KALRN: variants seen among roughly 807,000 people sequenced by gnomAD.
KALRN encodes kalirin.
A neutral mutation model predicts 353.7 loss-of-function variants in KALRN; 70 were observed. The observed-to-expected ratio is 0.20, with a 90% confidence interval of 0.16 to 0.24. The LOEUF is 0.24. Among genes scored for constraint, KALRN ranks in the 10% least tolerant of loss-of-function variants. The pLI is 1.00. For synonymous variants in KALRN, 1,391 were observed against 1,434.8 expected, an observed-to-expected ratio of 0.97 and a Z score of 0.69; for missense variants, 2,791 against 3,756.7, an observed-to-expected ratio of 0.74 and a Z score of 6.72.
At chr3:124,340,572 A>G (rs1012414676) in intron 9 of KALRN, among the ~76,000 whole-genome samples, 1 of 152,180 alleles carries the variant, frequency 6.6e-6, no homozygotes, top group Non-Finnish European at 1.5e-5. Context: ...TGGTACTTAC[A>G]AAGTCCTTAA....
chr3:124,360,773 G>A (rs1021754366), intron 10 of KALRN, among the ~76,000 whole-genome samples: 4 of 152,096 alleles, frequency 2.6e-5, no homozygotes, highest in Non-Finnish European at 5.9e-5. Context: ...CCTTTCTTTT[G>A]TTTCTGTGAC....
chr3:124,703,979 A>G (rs904837874), intron 57 of KALRN, among the ~76,000 whole-genome samples: 10 of 152,262 alleles, frequency 6.6e-5, no homozygotes, highest in Admixed American at 1.3e-4. Context: ...AGCCTGAAGT[A>G]TATTTTCAGT....
At chr3:124,368,615 C>T (rs1240644236) in intron 10 of KALRN, among the ~76,000 whole-genome samples, 4 of 141,838 alleles carry the variant, frequency 2.8e-5, no homozygotes, top group East Asian at 4.4e-4. Context: ...ACATCCCAGA[C>T]GATGGGCGGC....
chr3:124,322,460 A>G (rs1227898408), intron 6 of KALRN, among the ~76,000 whole-genome samples: 6 of 152,200 alleles, frequency 3.9e-5, no homozygotes, highest in African/African-American at 1.4e-4. Context: ...GCAGATGGAA[A>G]GGCATTGAAG....
In KALRN at chr3:124,492,960, G is replaced by A; in HGVS notation, c.4832+78G>A. The A allele has an allele frequency of 2.0e-6, 3 of 1,533,284 alleles. No individual in the cohort carries two copies. In the South Asian group the frequency reaches 3.6e-5, roughly 19 times the overall value. The allele number at this position is 1,533,284 out of a possible 1,614,324, so 95.0% of individuals were successfully genotyped here. A position where few individuals can be genotyped will look rare whatever the true frequency, so the allele number is the denominator to read the frequency against. On this transcript the variant is annotated intron_variant, in intron 32 of 59. Transcript: ENST00000682506. Reference sequence around the variant, plus strand: ...GGGAATGGGATGAATCTTTGCTTCTGAAGGGGGATGTGCCCAGCAGGTGGC... The same window carrying A: ...GGGAATGGGATGAATCTTTGCTTCTAAAGGGGGATGTGCCCAGCAGGTGGC...
At chr3:124,478,636 ATAT>A (rs563470655) in intron 27 of KALRN, among the ~76,000 whole-genome samples, 40 of 152,326 alleles carry the variant, frequency 2.6e-4, no homozygotes, top group African/African-American at 9.6e-4. Context: ...CTCTCACCTG[ATAT>A]TATTGGGTAT....
intron 1 of KALRN, among the ~76,000 whole-genome samples, chr3:124,118,270 G>T (rs1220090293): frequency 6.6e-6 from 1 of 152,124 alleles, no homozygotes; most frequent in Non-Finnish European, 1.5e-5. Flanking sequence ...AGGGACTACA[G>T]ATGGCAGATG....
intron 37 of KALRN, among the ~76,000 whole-genome samples, chr3:124,642,806 G>GTTT (rs71145471): frequency 1.2e-4 from 12 of 96,814 alleles, no homozygotes; most frequent in African/African-American, 4.5e-4. Flanking sequence ...CCCAAGCCTC[G>GTTT]TTTTTTTTTT....
chr3:124,387,520 C>A (rs908706652), intron 11 of KALRN, among the ~76,000 whole-genome samples: 4 of 152,100 alleles, frequency 2.6e-5, no homozygotes, highest in African/African-American at 9.7e-5. Context: ...GTAGTAAGTA[C>A]GGAAATTGAC....
At chr3:124,280,336 A>T (rs1005477971) in intron 5 of KALRN, among the ~76,000 whole-genome samples, 1 of 152,116 alleles carries the variant, frequency 6.6e-6, no homozygotes, top group African/African-American at 2.4e-5. Flanking sequence ...ACCCTCCTGT[A>T]GTTACACCCT....
intron 6 of KALRN, among the ~76,000 whole-genome samples, chr3:124,311,064 CTTTTTTTTTTT>C (rs71145446): frequency 4.3e-4 from 29 of 67,526 alleles, no homozygotes; most frequent in African/African-American, 6.5e-4. Flanking sequence ...GATACTACTT[CTTTTTTTTTTT>C]TTTTTTTTTT....
At chr3:124,271,121 G>A (rs560787232) in intron 5 of KALRN, among the ~76,000 whole-genome samples, 72 of 152,128 alleles carry the variant, frequency 4.7e-4, no homozygotes, top group Non-Finnish European at 8.5e-4. Flanking sequence ...GTGAGCCACC[G>A]TGCCCGGCCC....
rs371432218 is a variant in KALRN at position 124,697,667 on chromosome 3, C to G, written c.7774C>G (p.Pro2592Ala). ...CTCCGTGATTCTCCGCTGGCTGCCC[C>G]CCTCCAGCACAGGAAACTGCACTAT... ...CTSVILRWLP[P>A]SSTGNCTISG... Residue 2592 changes from proline (P) to alanine (A), a missense_variant, in exon 55 of 60, where the codon CCC becomes GCC. This residue lies in a region of KALRN where 1,065 missense variants were observed against 1,156.4 expected (regional missense o/e 0.92). Coordinates refer to ENST00000682506, the MANE Select transcript of KALRN (RefSeq NM_001388419.1). 6 of 1,605,786 alleles carry G rather than the reference C, an allele frequency of 3.7e-6. No homozygotes were observed. The highest frequency in any genetic ancestry group is 2.7e-5 in the African/African-American group (2 of 74,612).
In KALRN at chr3:124,678,659, A is replaced by G. The variant is rs2087472860; in HGVS notation, c.7317+346A>G. The G allele has an allele frequency of 2.6e-5, 5 of 195,280 alleles. No individual in the cohort carries two copies. In the South Asian group the frequency reaches 4.8e-4, roughly 19 times the overall value. 12.1% of individuals were successfully genotyped at this position (195,280 alleles called of 1,614,324 possible). A position where few individuals can be genotyped will look rare whatever the true frequency, so the allele number is the denominator to read the frequency against. ...GCTGCCATTTGGTACCCTAGGTTTGAGAATACACACAGGGTAAAGCAATTA... is the reference window on the plus strand; with the variant it reads ...GCTGCCATTTGGTACCCTAGGTTTGGGAATACACACAGGGTAAAGCAATTA... On this transcript the variant is annotated intron_variant, in intron 50 of 59. Coordinates refer to ENST00000682506, the MANE Select transcript of KALRN (RefSeq NM_001388419.1).
At chr3:124,574,550 G>A (rs959321814) in intron 34 of KALRN, among the ~76,000 whole-genome samples, 3 of 152,176 alleles carry the variant, frequency 2.0e-5, no homozygotes, top group African/African-American at 7.2e-5. Flanking sequence ...GAGCTAAAAT[G>A]AGAGCCTCAG....
chr3:124,714,613 G>A (rs143671217), intron 58 of KALRN, among the ~76,000 whole-genome samples: 63 of 152,298 alleles, frequency 4.1e-4, no homozygotes, highest in East Asian at 7.7e-4. Context: ...TTTAGCAAAC[G>A]TTTACTGAGC....
intron 3 of KALRN, among the ~76,000 whole-genome samples, chr3:124,240,874 AGCAG>A (rs2080351991): frequency 6.6e-6 from 1 of 152,246 alleles, no homozygotes; most frequent in Admixed American, 6.5e-5. Context: ...GGAATTATCT[AGCAG>A]GCTCTCTCTA....
chr3:124,472,867 T>G (rs2061076926), intron 25 of KALRN, among the ~76,000 whole-genome samples: 1 of 152,184 alleles, frequency 6.6e-6, no homozygotes, highest in South Asian at 2.1e-4. Flanking sequence ...AGCCCAAATA[T>G]CATTATAATT....
chr3:124,258,560 T>G (rs952834094), intron 3 of KALRN, among the ~76,000 whole-genome samples: 39 of 152,210 alleles, frequency 2.6e-4, no homozygotes, highest in African/African-American at 9.4e-4. Context: ...AGAAGATGGT[T>G]CTTTTCCTCT....
Sources: allele counts gnomAD v4.1 joint callset (sites outside exome capture counted in the v4.1 genomes callset), GRCh38; gene constraint gnomAD v4.1.1; regional missense constraint gnomAD v4.1.1; transcripts MANE v1.5; gene names NCBI Gene and HGNC (gene_info 2026-07-23, HGNC 2026-07-21).